Variants in MACROD2 observed in about 807,000 individuals in gnomAD.
The protein encoded by MACROD2 is mono-ADP ribosylhydrolase 2.
A neutral mutation model predicts 70.4 loss-of-function variants in MACROD2; 36 were observed. That is an observed-to-expected ratio of 0.51 (90% confidence interval 0.39 to 0.68). The LOEUF (loss-of-function observed/expected upper bound fraction) is 0.68, where lower values mean the gene tolerates loss of function less well. MACROD2 is among the 30% of genes least tolerant of loss of function. The probability of loss-of-function intolerance (pLI) is 0.00; values close to 1 mark genes in which losing one functional copy is unlikely to be tolerated. For synonymous variants in MACROD2, 172 were observed against 178.8 expected, an observed-to-expected ratio of 0.96 and a Z score of 0.30; for missense variants, 496 against 538.4, an observed-to-expected ratio of 0.92 and a Z score of 0.78.
intron 5 of MACROD2, among the ~76,000 whole-genome samples, chr20:15,191,124 G>A (rs1443210878): frequency 1.3e-5 from 2 of 152,160 alleles, no homozygotes; most frequent in Admixed American, 1.3e-4. Context: ...TGAAGAAGTG[G>A]GGAGAGTGAG....
intron 2 of MACROD2, among the ~76,000 whole-genome samples, chr20:14,034,883 TTTAC>T (rs1179895167): frequency 6.6e-6 from 1 of 152,206 alleles, no homozygotes; most frequent in Non-Finnish European, 1.5e-5. Flanking sequence ...TTTTTTCCAT[TTTAC>T]TTATTGTCTT....
intron 3 of MACROD2, among the ~76,000 whole-genome samples, chr20:14,108,376 A>G (rs1003522162): frequency 3.9e-5 from 6 of 152,048 alleles, no homozygotes; most frequent in African/African-American, 1.4e-4. Context: ...CAGAAAACAA[A>G]TAACAAAATG....
At chr20:15,757,304 G>A (rs988098613) in intron 8 of MACROD2, among the ~76,000 whole-genome samples, 5 of 152,072 alleles carry the variant, frequency 3.3e-5, no homozygotes, top group Admixed American at 6.5e-5. Flanking sequence ...AGAGATCAGA[G>A]TAAATCAGTT....
At chr20:15,257,335 C>T (rs958462789) in intron 6 of MACROD2, among the ~76,000 whole-genome samples, 1 of 151,976 alleles carries the variant, frequency 6.6e-6, no homozygotes, top group African/African-American at 2.4e-5. Flanking sequence ...AAATGGGCTC[C>T]ACTGATTTAT....
At chr20:15,862,926 A>G (rs2064444547) in intron 9 of MACROD2, 100 bp downstream of exon 9, 3 of 834,586 alleles carry the variant, frequency 3.6e-6, no homozygotes, top group Non-Finnish European at 5.6e-6. Flanking sequence ...ACTGTTACAC[A>G]TGGTGATCCT....
chr20:14,385,835 T>G (rs534624983), intron 3 of MACROD2, among the ~76,000 whole-genome samples: 43 of 152,358 alleles, frequency 2.8e-4, no homozygotes, highest in African/African-American at 1.0e-3. Flanking sequence ...ACACTGACTT[T>G]TATATTCATG....
chr20:14,301,019 C>CT (rs140337709), intron 3 of MACROD2, among the ~76,000 whole-genome samples: 45 of 152,294 alleles, frequency 3.0e-4, no homozygotes, highest in African/African-American at 1.1e-3. Flanking sequence ...TGTTACAAGA[C>CT]TTTTTACCTA....
At chr20:15,360,739 C>T (rs1714521014) in intron 6 of MACROD2, among the ~76,000 whole-genome samples, 1 of 152,044 alleles carries the variant, frequency 6.6e-6, no homozygotes, top group Non-Finnish European at 1.5e-5. Context: ...CTTCCCCCTA[C>T]CTGTTCTAAT....
intron 3 of MACROD2, among the ~76,000 whole-genome samples, chr20:14,404,405 T>A (rs1234802813): frequency 6.6e-6 from 1 of 152,108 alleles, no homozygotes; most frequent in Non-Finnish European, 1.5e-5. Context: ...GGTCGGCAGA[T>A]CACTTGAGTC....
At chr20:16,012,630 G>A (rs746862749) in intron 15 of MACROD2, among the ~76,000 whole-genome samples, 23 of 152,210 alleles carry the variant, frequency 1.5e-4, no homozygotes, top group South Asian at 6.2e-4. Flanking sequence ...GAATGAAGCC[G>A]AAGCAGAATA....
chr20:15,529,619 G>C (rs989967078), intron 8 of MACROD2, among the ~76,000 whole-genome samples: 1 of 151,538 alleles, frequency 6.6e-6, no homozygotes, highest in Non-Finnish European at 1.5e-5. Flanking sequence ...GTGATTTTAA[G>C]TGAATTGAAA....
At chr20:15,994,545 C>T (rs1005166771) in intron 15 of MACROD2, among the ~76,000 whole-genome samples, 2 of 152,212 alleles carry the variant, frequency 1.3e-5, no homozygotes, top group African/African-American at 4.8e-5. Flanking sequence ...AAATCACTTT[C>T]AGTCAAAGTC....
At chr20:14,192,234 G>A (rs34036645) in intron 3 of MACROD2, among the ~76,000 whole-genome samples, 2 of 150,244 alleles carry the variant, frequency 1.3e-5, no homozygotes, top group Non-Finnish European at 3.0e-5. Context: ...ATTTTTTTTT[G>A]TTTCTCCTAC....
intron 3 of MACROD2, among the ~76,000 whole-genome samples, chr20:14,485,518 G>T (rs943327215): frequency 2.0e-5 from 3 of 152,054 alleles, no homozygotes; most frequent in African/African-American, 4.8e-5. Context: ...TGGCTAACAC[G>T]GTGAAACCCC....
intron 8 of MACROD2, among the ~76,000 whole-genome samples, chr20:15,777,627 C>T (rs1418880612): frequency 8.6e-6 from 1 of 115,842 alleles, no homozygotes; most frequent in Admixed American, 8.9e-5. Context: ...CCCTCCCTCC[C>T]TCCTTCCTTC....
At chr20:14,108,257 G>A (rs1217375748) in intron 3 of MACROD2, among the ~76,000 whole-genome samples, 10 of 151,034 alleles carry the variant, frequency 6.6e-5, no homozygotes, top group African/African-American at 2.2e-4. Context: ...ACATACAATG[G>A]ATACACAAAA....
intron 4 of MACROD2, among the ~76,000 whole-genome samples, chr20:14,511,321 C>T (rs2123148008): frequency 6.6e-6 from 1 of 152,096 alleles, no homozygotes; most frequent in East Asian, 1.9e-4. Context: ...GGGATGGACA[C>T]CCCATTCTCC....
At chr20:14,685,046 G>C (rs1317502244) in intron 5 of MACROD2, 87 bp downstream of exon 5, 2 of 1,022,224 alleles carry the variant, frequency 2.0e-6, no homozygotes, top group Non-Finnish European at 3.0e-6. Flanking sequence ...GGAAATGGCA[G>C]TGGTGGTATT....
In MACROD2 at chr20:15,124,750, TC is replaced by T. The variant is rs1412616899; in HGVS notation, c.419-105185del. Among the ~76,000 whole-genome samples, 3 of 152,148 alleles carry T rather than the reference TC, an allele frequency of 2.0e-5. No homozygotes were observed. In the South Asian group the frequency reaches 6.2e-4, roughly 32 times the overall value. ...TTAATCATTATTGAAATTTTGTCCT[TC>T]CCCCATCTCATTTCTTTGCTTTTTA... On this transcript the variant is annotated intron_variant, in intron 5 of 17. Transcript: ENST00000684519.
Sources: gnomAD v4.1 joint callset for allele counts (sites outside exome capture counted in the v4.1 genomes callset) on GRCh38, gnomAD v4.1.1 for gene constraint, MANE v1.5 for transcripts, NCBI Gene and HGNC (gene_info 2026-07-23, HGNC 2026-07-21) for gene names.